Variants in MFSD11 observed in about 807,000 individuals in gnomAD.
MFSD11 encodes major facilitator superfamily domain containing 11.
MFSD11 carries 36 observed loss-of-function variants against 53.5 expected under a neutral mutation model. The observed-to-expected ratio is 0.67, with a 90% CI of 0.52 to 0.89. The LOEUF (loss-of-function observed/expected upper bound fraction) is 0.89. Among genes scored for constraint, MFSD11 ranks in the 40% least tolerant of loss-of-function variants. The pLI, the probability that MFSD11 is intolerant of heterozygous loss-of-function variation, is 0.00. For missense variants in MFSD11, 530 were observed against 543.9 expected (o/e 0.97, Z 0.25); for synonymous variants, 186 against 184.9 (o/e 1.01, Z -0.05).
In MFSD11 at chr17:76,761,628, T is replaced by C. The variant is rs534641535; in HGVS notation, c.683-5758T>C. On this transcript the variant is annotated intron_variant, in intron 8 of 12. Coordinates refer to ENST00000685175, the MANE Select transcript of MFSD11 (RefSeq NM_001242532.5). ...GATTCTGCCTTTTTAAATTGAGATA[T>C]AATTCATATACTGGCCGGGCGCAGT... Among the ~76,000 whole-genome samples the C allele has an allele frequency of 5.1e-4, 78 of 152,080 alleles. No homozygotes were observed. In the South Asian group the frequency reaches 0.016, roughly 31 times the overall value.
At chr17:76,737,601 G>C (rs2143966960), upstream of MFSD11, 2 of 223,424 alleles carry the variant, frequency 9.0e-6, no homozygotes, top group Admixed American at 1.1e-4. Flanking sequence ...GGACGATCGC[G>C]ATTGGGCAGG....
chr17:76,755,812 A>ATATATATTTTTTTTTTTTT (rs1555669398), intron 8 of MFSD11, among the ~76,000 whole-genome samples: 1 of 19,542 alleles, frequency 5.1e-5, no homozygotes, highest in Non-Finnish European at 9.7e-5. Flanking sequence ...ATATATATAT[A>ATATATATTTTTTTTTTTTT]TTTTTTTTTT....
chr17:76,769,562 C>T (rs1328228881), intron 9 of MFSD11, 184 bp from the exon 10 acceptor site: 2 of 480,060 alleles, frequency 4.2e-6, no homozygotes, highest in East Asian at 7.5e-5. Flanking sequence ...TAGTCCATAG[C>T]ATGAAGCTAA....
the MFSD11 span, among the ~76,000 whole-genome samples, chr17:76,801,266 A>T: frequency 6.8e-6 from 1 of 147,142 alleles, no homozygotes; most frequent in Non-Finnish European, 1.5e-5. Flanking sequence ...GGTAGCATGC[A>T]CCTGTAGTTC....
In MFSD11 at chr17:76,743,469, C is replaced by T. The variant is rs150221543; in HGVS notation, c.496+13C>T. 4.6e-4 allele frequency: 710 copies of T among 1,539,950 alleles called. No homozygotes were observed. The highest frequency in any genetic ancestry group is 6.0e-4 in the Non-Finnish European group (680 of 1,136,926). ...ACTCAGATATCAGGTTTGTTTTATTCGCGTTGCTTTATTCAGATATGTTCA... is the reference window on the plus strand; with the variant it reads ...ACTCAGATATCAGGTTTGTTTTATTTGCGTTGCTTTATTCAGATATGTTCA... On this transcript the variant is annotated intron_variant, in intron 6 of 12. Coordinates refer to ENST00000685175, the MANE Select transcript of MFSD11 (RefSeq NM_001242532.5).
At chr17:76,771,900 C>T (rs1665792784) in intron 10 of MFSD11, among the ~76,000 whole-genome samples, 1 of 152,006 alleles carries the variant, frequency 6.6e-6, no homozygotes, top group South Asian at 2.1e-4. Context: ...GAGAAGTGTC[C>T]AGTGGGAAAT....
intron 8 of MFSD11, among the ~76,000 whole-genome samples, chr17:76,758,019 AC>A (rs1041269659): frequency 2.0e-5 from 3 of 152,118 alleles, no homozygotes; most frequent in African/African-American, 7.2e-5. Context: ...CAAAAAAAAA[AC>A]AAAAAATGTT....
chr17:76,784,696 A>G (rs1355075926), downstream of MFSD11, among the ~76,000 whole-genome samples: 1 of 152,108 alleles, frequency 6.6e-6, no homozygotes, highest in African/African-American at 2.4e-5. Context: ...GGAGTTCGAG[A>G]CCAGCCTGGC....
intron 8 of MFSD11, among the ~76,000 whole-genome samples, chr17:76,755,115 A>G (rs943273529): frequency 1.3e-5 from 2 of 151,132 alleles, no homozygotes; most frequent in African/African-American, 2.4e-5. Context: ...TATTTGGGAG[A>G]CTGAGGCAAG....
intron 2 of MFSD11, among the ~76,000 whole-genome samples, chr17:76,740,392 G>T (rs997986357): frequency 6.6e-6 from 1 of 152,142 alleles, no homozygotes; most frequent in Non-Finnish European, 1.5e-5. Flanking sequence ...CCATTAGGTT[G>T]AGTTAAATAA....
the MFSD11 span, among the ~76,000 whole-genome samples, chr17:76,788,771 T>G: frequency 2.0e-5 from 3 of 148,702 alleles, 1 homozygote; most frequent in African/African-American, 7.4e-5. Flanking sequence ...GAGAATCACT[T>G]GAACCTGGGA....
At chr17:76,739,053 A>T (rs975151574) in intron 2 of MFSD11, 60 bp downstream of exon 2, 7 of 1,256,378 alleles carry the variant, frequency 5.6e-6, no homozygotes, top group Non-Finnish European at 3.5e-6. Context: ...AAATCTCATC[A>T]GAATCACCAG....
chr17:76,769,554 G>T (rs1192568007), intron 9 of MFSD11, 192 bp from the exon 10 acceptor site: 3 of 459,536 alleles, frequency 6.5e-6, no homozygotes, highest in Non-Finnish European at 1.1e-5. Flanking sequence ...CAAACATTTA[G>T]TCCATAGCAT....
chr17:76,791,275 G>C, the MFSD11 span, among the ~76,000 whole-genome samples: 2 of 149,080 alleles, frequency 1.3e-5, no homozygotes, highest in South Asian at 2.2e-4. Flanking sequence ...GTCCAGAGGA[G>C]GCTCCTTTGA....
chr17:76,791,521 A>G, the MFSD11 span, among the ~76,000 whole-genome samples: 1 of 149,058 alleles, frequency 6.7e-6, no homozygotes, highest in Non-Finnish European at 1.5e-5. Context: ...CTGTGAGAAC[A>G]TGTTGAGGAA....
the MFSD11 span, chr17:76,799,027 C>CAAAA: frequency 3.0e-5 from 3 of 99,108 alleles, no homozygotes; most frequent in African/African-American, 7.7e-5. Context: ...AACTCCATCT[C>CAAAA]AAAAAAAAAA....
At chr17:76,788,949 C>T in the MFSD11 span, among the ~76,000 whole-genome samples, 1 of 149,620 alleles carries the variant, frequency 6.7e-6, no homozygotes, top group South Asian at 2.2e-4. Flanking sequence ...CGAGACCAGC[C>T]TGGCCAACAT....
At chr17:76,753,988 A>G in intron 7 of MFSD11, 59 bp from the exon 8 acceptor site, 4 of 1,389,498 alleles carry the variant, frequency 2.9e-6, no homozygotes, top group Non-Finnish European at 4.0e-6. Flanking sequence ...ATGTGATCGT[A>G]TGTTTGTTCT....
chr17:76,794,679 CTT>C, the MFSD11 span, among the ~76,000 whole-genome samples: 1 of 40,454 alleles, frequency 2.5e-5, no homozygotes, highest in Non-Finnish European at 4.4e-5. Flanking sequence ...AAGATGTACT[CTT>C]TTTTTTTTTT....
Sources: gnomAD v4.1 joint callset for allele counts (sites outside exome capture counted in the v4.1 genomes callset) on GRCh38, gnomAD v4.1.1 for gene constraint, MANE v1.5 for transcripts, NCBI Gene and HGNC (gene_info 2026-07-23, HGNC 2026-07-21) for gene names.